CDH23: variants seen among roughly 807,000 people sequenced by gnomAD.
CDH23 encodes cadherin related 23.
Under a neutral mutation model 317.1 loss-of-function variants are expected in CDH23, and 189 were observed. The observed-to-expected ratio is 0.60, with a 90% confidence interval of 0.53 to 0.67. CDH23 has a LOEUF of 0.67. CDH23 is among the 30% of genes least tolerant of loss of function. The probability of loss-of-function intolerance (pLI) is 0.00; values close to 1 mark genes in which losing one functional copy is unlikely to be tolerated. For missense variants in CDH23, 4,401 were observed against 4,592.4 expected (o/e 0.96, Z 1.20); for synonymous variants, 1,839 against 1,876.8 (o/e 0.98, Z 0.52).
chr10:71,719,494 G>A (rs1318443347), intron 28 of CDH23: 2 of 152,456 alleles, frequency 1.3e-5, no homozygotes, highest in Non-Finnish European at 2.9e-5. Context: ...ACTGGGCCTT[G>A]TTTCCCCTCT....
intron 6 of CDH23, among the ~76,000 whole-genome samples, chr10:71,558,827 CT>C (rs991556687): frequency 2.5e-4 from 38 of 152,312 alleles, no homozygotes; most frequent in Admixed American, 5.9e-4. Context: ...TTCCTTTTTA[CT>C]GCCTGGAGCC....
intron 67 of CDH23, 52 bp from the exon 68 acceptor site, chr10:71,812,716 G>A (rs774110894): frequency 3.4e-5 from 55 of 1,612,560 alleles, no homozygotes; most frequent in Non-Finnish European, 4.5e-5. Context: ...CCCCTCCCTT[G>A]TACATGTGTG....
intron 8 of CDH23, among the ~76,000 whole-genome samples, chr10:71,575,369 G>A (rs550598234): frequency 5.3e-5 from 8 of 152,218 alleles, no homozygotes; most frequent in Admixed American, 2.6e-4. Context: ...CACGTTTATC[G>A]GCTGCTGAGG....
At chr10:71,805,269 A>C (rs1271178744) in intron 55 of CDH23, among the ~76,000 whole-genome samples, 1 of 152,212 alleles carries the variant, frequency 6.6e-6, no homozygotes, top group Non-Finnish European at 1.5e-5. Flanking sequence ...CAGGCAGGTT[A>C]GTAACAGACT....
chr10:71,521,425 C>T (rs1328589430), intron 6 of CDH23, among the ~76,000 whole-genome samples: 1 of 152,224 alleles, frequency 6.6e-6, no homozygotes, highest in Non-Finnish European at 1.5e-5. Context: ...GAGACGAACC[C>T]TCCATTTCAG....
chr10:71,809,921 G>A lies in CDH23; in HGVS notation c.8824G>A (p.Asp2942Asn), dbSNP rs371286324. The A allele has an allele frequency of 7.2e-5, 116 of 1,612,886 alleles. No homozygotes were observed. Among genetic ancestry groups the A allele is most frequent in the Non-Finnish European group, 2.7e-5 (32 of 1,179,894 alleles). The change falls in exon 61 of 70, where the codon GAC becomes AAC. Residue 2942 changes from aspartate to asparagine, a missense_variant. This residue lies in a region of CDH23 where 1,144 missense variants were observed against 1,138.2 expected (regional missense o/e 1.01). Coordinates refer to ENST00000224721, the MANE Select transcript of CDH23 (RefSeq NM_022124.6). ...IVARDLAGHNDTAIIGIYILR... is the reference protein window; with the variant it reads ...IVARDLAGHNNTAIIGIYILR... ...GGCCCGAGACCTGGCAGGCCACAAC[G>A]ACACGGCCATCATCGGCATCTACAT...
At chr10:71,682,805 A>G (rs1337019153) in intron 18 of CDH23, among the ~76,000 whole-genome samples, 1 of 152,174 alleles carries the variant, frequency 6.6e-6, no homozygotes, top group Admixed American at 6.5e-5. Context: ...GGTACTCAGG[A>G]AGAGACACAT....
intron 3 of CDH23, among the ~76,000 whole-genome samples, chr10:71,450,835 A>T (rs961069827): frequency 3.3e-5 from 5 of 152,052 alleles, no homozygotes; most frequent in Non-Finnish European, 7.4e-5. Context: ...CCTGGCTTGG[A>T]CACTACCTAT....
intron 3 of CDH23, among the ~76,000 whole-genome samples, chr10:71,454,862 G>C (rs971088280): frequency 8.7e-6 from 1 of 115,026 alleles, no homozygotes; most frequent in African/African-American, 3.3e-5. Context: ...TTTTTTTTTA[G>C]AAACAGGATC....
chr10:71,537,025 G>A (rs899541366), intron 6 of CDH23, among the ~76,000 whole-genome samples: 1 of 152,024 alleles, frequency 6.6e-6, no homozygotes, highest in Non-Finnish European at 1.5e-5. Flanking sequence ...TATTGCCTTC[G>A]CCACCGTGCA....
At position 71,594,258 on chromosome 10, in the gene CDH23, A is replaced by G. The variant is rs141125032; in HGVS notation, c.832+16266A>G. On this transcript the variant is annotated intron_variant, in intron 9 of 69. Coordinates refer to ENST00000224721, the MANE Select transcript of CDH23 (RefSeq NM_022124.6). ...TAAAAAATTGTGCTCAATTATTATT[A>G]TATTTTGAATTCCTCAAAAATGTTT... Among the ~76,000 whole-genome samples, 5 of 152,218 alleles carry G rather than the reference A, an allele frequency of 3.3e-5. No individual in the cohort carries two copies. In the East Asian group the frequency reaches 7.7e-4, roughly 23 times the overall value.
chr10:71,628,131 G>T (rs1861836110), intron 11 of CDH23, among the ~76,000 whole-genome samples: 3 of 152,228 alleles, frequency 2.0e-5, no homozygotes, highest in South Asian at 4.1e-4. Context: ...AGTTGTGCCT[G>T]TGTGTCTCAC....
intron 3 of CDH23, among the ~76,000 whole-genome samples, chr10:71,452,444 A>T (rs1850494887): frequency 6.6e-6 from 1 of 152,040 alleles, no homozygotes; most frequent in South Asian, 2.1e-4. Flanking sequence ...CCCAGCACTG[A>T]CACCTCGCAC....
chr10:71,793,371 A>G lies in CDH23; in HGVS notation c.6443A>G (p.Asp2148Gly), dbSNP rs772935670. 1.2e-6 allele frequency: 2 copies of G among 1,613,852 alleles called. No individual in the cohort carries two copies. Among genetic ancestry groups the G allele is most frequent in the East Asian group, 2.2e-5 (1 of 44,876 alleles). Residue 2148 changes from aspartate (D) to glycine (G), a missense_variant, in exon 48 of 70, where the codon GAC becomes GGC. Transcript: ENST00000224721. Reference protein sequence around the residue: ...ESYRLTVVATDRGTVPLSGTA... With the variant: ...ESYRLTVVATGRGTVPLSGTA... ...TACAGGCTAACGGTGGTGGCCACCG[A>G]CCGGGGCACCGTTCCTCTCTCGGGC...
chr10:71,513,778 T>G (rs1854124032), intron 6 of CDH23, among the ~76,000 whole-genome samples: 1 of 152,186 alleles, frequency 6.6e-6, no homozygotes, highest in African/African-American at 2.4e-5. Flanking sequence ...CTTCCAGGGC[T>G]GACATCCCAT....
At chr10:71,590,980 G>T (rs1357647260) in intron 9 of CDH23, among the ~76,000 whole-genome samples, 1 of 151,908 alleles carries the variant, frequency 6.6e-6, no homozygotes, top group Non-Finnish European at 1.5e-5. Context: ...GTCTTAATGT[G>T]CCAGCTTCCA....
At chr10:71,403,860 T>C (rs1342092975) in intron 1 of CDH23, among the ~76,000 whole-genome samples, 5 of 151,632 alleles carry the variant, frequency 3.3e-5, no homozygotes, top group African/African-American at 1.2e-4. Context: ...GAGGCCGAGG[T>C]GGGTGGATCA....
At chr10:71,684,483 G>A (rs1325016908) in intron 18 of CDH23, among the ~76,000 whole-genome samples, 1 of 152,194 alleles carries the variant, frequency 6.6e-6, no homozygotes, top group African/African-American at 2.4e-5. Context: ...GTGGAAAGAG[G>A]GGTGTGGCTG....
chr10:71,616,198 G>C (rs761064848), intron 10 of CDH23, among the ~76,000 whole-genome samples: 1 of 152,248 alleles, frequency 6.6e-6, no homozygotes, highest in Non-Finnish European at 1.5e-5. Context: ...CCGTTTAGGG[G>C]TATGGATCCT....
Sources: gnomAD v4.1 joint callset for allele counts (sites outside exome capture counted in the v4.1 genomes callset) on GRCh38, gnomAD v4.1.1 for gene constraint, gnomAD v4.1.1 regional missense constraint, MANE v1.5 for transcripts, NCBI Gene and HGNC (gene_info 2026-07-23, HGNC 2026-07-21) for gene names.